GALNT14: variants seen among roughly 807,000 people sequenced by gnomAD.
GALNT14 encodes UDP-GalNAc:polypeptide N-acetylgalactosaminyltransferase 14.
GALNT14 carries 60 observed loss-of-function variants against 77.5 expected under a neutral mutation model. That is an observed-to-expected ratio of 0.77 (90% CI 0.63 to 0.96). The LOEUF (loss-of-function observed/expected upper bound fraction) is 0.96. GALNT14 is among the 40% of genes least tolerant of loss of function. The pLI is 0.00. For synonymous variants in GALNT14, 280 were observed against 281.7 expected, an observed-to-expected ratio of 0.99 and a Z score of 0.06; for missense variants, 710 against 731.0, an observed-to-expected ratio of 0.97 and a Z score of 0.33.
Position 31,063,508 on chromosome 2 carries a change from T to C in GALNT14, c.130-70501A>G, listed in dbSNP as rs147550258. Among the ~76,000 whole-genome samples the C allele has an allele frequency of 6.4e-3, 981 of 152,336 alleles. 12 individuals are homozygous for C. The highest frequency in any genetic ancestry group is 0.022 in the African/African-American group (903 of 41,564). ...TCAGGTAGTGTGACGCCTCCAGCTT[T>C]GTACTTTTTGCTTAGGATTGATTTG... On this transcript the variant is annotated intron_variant, in intron 1 of 14. Coordinates refer to ENST00000349752, the MANE Select transcript of GALNT14 (RefSeq NM_024572.4).
intron 4 of GALNT14, 108 bp from the exon 5 acceptor site, chr2:30,956,085 A>G (rs1192372799): frequency 1.9e-6 from 2 of 1,042,304 alleles, no homozygotes; most frequent in Non-Finnish European, 3.0e-6. Context: ...AGCCCTGTCC[A>G]CTGTCCCCTA....
chr2:31,072,463 G>T (rs1675474361), intron 1 of GALNT14, among the ~76,000 whole-genome samples: 1 of 149,680 alleles, frequency 6.7e-6, no homozygotes, highest in Admixed American at 6.7e-5. Context: ...TCCTCTTTCT[G>T]CCCTATATCT....
At chr2:30,992,738 G>A (rs937354410) in intron 2 of GALNT14, 100 bp downstream of exon 2, 20 of 1,353,568 alleles carry the variant, frequency 1.5e-5, no homozygotes, top group Middle Eastern at 3.9e-4. Context: ...GGTCCAGCCC[G>A]GTTCTTAGCA....
At position 30,993,640 on chromosome 2, in the gene GALNT14, G is replaced by A. The variant is rs541557057; in HGVS notation, c.130-633C>T. Among the ~76,000 whole-genome samples the A allele has an allele frequency of 2.6e-5, 4 of 152,320 alleles. No homozygotes were observed. In the East Asian group the frequency reaches 7.7e-4, roughly 29 times the overall value. On this transcript the variant is annotated intron_variant, in intron 1 of 14. Transcript: ENST00000349752. ...GGTATTTTTAAGAAGCATCAATGGG[G>A]GAGTGAGTAACAACCCTCACCGTAC...
At chr2:31,131,552 A>C (rs1217024018) in intron 1 of GALNT14, among the ~76,000 whole-genome samples, 9 of 152,196 alleles carry the variant, frequency 5.9e-5, no homozygotes, top group Non-Finnish European at 1.2e-4. Context: ...GAGTGACAAA[A>C]CTGCAAACAT....
rs1553351610 is a variant in GALNT14 at position 30,989,579 on chromosome 2, T to TATATATATATATATATATACAC, written c.299+3258_299+3259insGTGTATATATATATATATATAT. ...AATACCTTATATATATATATATATA[T>TATATATATATATATATATACAC]ATAAAAATATATATATTAGTAGATA... is the stretch of plus-strand genomic sequence containing the variant. On this transcript the variant is annotated intron_variant, in intron 2 of 14. Transcript: ENST00000349752. 2.4e-5 allele frequency among the ~76,000 whole-genome samples: 3 copies of TATATATATATATATATATACAC among 127,192 alleles called. No homozygotes were observed. In the South Asian group the frequency reaches 7.1e-4, roughly 30 times the overall value. The allele number at this position is 127,192 out of a possible 152,430, so 83.4% of individuals were successfully genotyped here. A position where few individuals can be genotyped will look rare whatever the true frequency, so the allele number is the denominator to read the frequency against.
intron 1 of GALNT14, chr2:31,078,972 T>A: frequency 7.8e-7 from 1 of 1,289,200 alleles, no homozygotes; most frequent in Non-Finnish European, 1.0e-6. Flanking sequence ...GTTCCATGCC[T>A]GGGAGGGAGA....
At chr2:30,986,639 C>T (rs950862480) in intron 2 of GALNT14, among the ~76,000 whole-genome samples, 12 of 152,152 alleles carry the variant, frequency 7.9e-5, no homozygotes, top group Admixed American at 5.9e-4. Flanking sequence ...TGGCAAAAAA[C>T]GCAATTACTT....
chr2:30,956,116 C>A, intron 4 of GALNT14, 139 bp from the exon 5 acceptor site: 2 of 781,982 alleles, frequency 2.6e-6, no homozygotes, highest in Non-Finnish European at 4.3e-6. Flanking sequence ...GCAGTCCTGA[C>A]TCCAGGGTGT....
chr2:31,001,743 G>C (rs903576511), intron 1 of GALNT14, among the ~76,000 whole-genome samples: 6 of 151,778 alleles, frequency 4.0e-5, no homozygotes, highest in African/African-American at 1.5e-4. Context: ...TCTGGATACA[G>C]GAATACTAGA....
At chr2:31,071,492 A>T (rs1035191595) in intron 1 of GALNT14, among the ~76,000 whole-genome samples, 1 of 152,148 alleles carries the variant, frequency 6.6e-6, no homozygotes, top group Admixed American at 6.5e-5. Flanking sequence ...ATGAGCTCCA[A>T]CTGTCCCAGC....
chr2:30,943,841 C>G (rs538689543), intron 8 of GALNT14, among the ~76,000 whole-genome samples: 2 of 152,328 alleles, frequency 1.3e-5, no homozygotes, highest in East Asian at 3.9e-4. Context: ...GACCAAGGTC[C>G]TACCCCACAG....
At chr2:31,088,449 CTTGGCGT>C (rs1160533813) in intron 1 of GALNT14, among the ~76,000 whole-genome samples, 1 of 152,114 alleles carries the variant, frequency 6.6e-6, no homozygotes, top group African/African-American at 2.4e-5. Context: ...CCTGATTGGG[CTTGGCGT>C]CTCGTGGTCC....
At chr2:30,953,874 T>G (rs1284916693) in intron 6 of GALNT14, among the ~76,000 whole-genome samples, 2 of 152,082 alleles carry the variant, frequency 1.3e-5, no homozygotes, top group Non-Finnish European at 2.9e-5. Flanking sequence ...CCATAACACC[T>G]CCCCATGGCA....
chr2:30,924,359 G>A (rs1665225360), intron 12 of GALNT14, 96 bp from the exon 13 acceptor site: 1 of 1,322,340 alleles, frequency 7.6e-7, no homozygotes, highest in Admixed American at 1.8e-5. Context: ...GAGAATGGCA[G>A]GGCTGGGCTG....
At chr2:30,908,901 G>A (rs1471637275), downstream of GALNT14, among the ~76,000 whole-genome samples, 4 of 149,978 alleles carry the variant, frequency 2.7e-5, no homozygotes, top group South Asian at 2.1e-4. Context: ...CAGAAATAAC[G>A]CCGCATATCT....
chr2:30,980,016 T>G (rs1296015152), intron 2 of GALNT14, among the ~76,000 whole-genome samples: 1 of 152,232 alleles, frequency 6.6e-6, no homozygotes, highest in African/African-American at 2.4e-5. Context: ...CTCGCTCATT[T>G]TGCTTTCCAG....
intron 1 of GALNT14, among the ~76,000 whole-genome samples, chr2:31,084,452 T>C (rs1367595250): frequency 6.6e-6 from 1 of 152,204 alleles, no homozygotes; most frequent in Non-Finnish European, 1.5e-5. Flanking sequence ...GCAGCCAGCA[T>C]GGCATGTAAA....
intron 2 of GALNT14, among the ~76,000 whole-genome samples, chr2:30,985,775 G>C (rs1284598720): frequency 6.6e-6 from 1 of 152,190 alleles, no homozygotes; most frequent in Non-Finnish European, 1.5e-5. Context: ...CACAGACGGG[G>C]AGAGCTTGTT....
Sources: gnomAD v4.1 joint callset for allele counts (sites outside exome capture counted in the v4.1 genomes callset) on GRCh38, gnomAD v4.1.1 for gene constraint, MANE v1.5 for transcripts, NCBI Gene and HGNC (gene_info 2026-07-23, HGNC 2026-07-21) for gene names.